The following FREM1 variants were observed in gnomAD, a reference collection of about 807,000 sequenced individuals.
The protein encoded by FREM1 is FRAS1 related extracellular matrix 1, also known as FRAS1-related extracellular matrix protein 1.
In FREM1, 220 loss-of-function variants were observed where a neutral mutation model predicts 210.1. That is an observed-to-expected ratio of 1.05 (90% CI 0.94 to 1.17). FREM1 has a LOEUF of 1.17. Ranked by LOEUF, FREM1 falls within the 50% of genes most tolerant of loss-of-function variation. FREM1 has a pLI of 0.00. For synonymous variants in FREM1, 1,189 were observed against 980.2 expected (o/e 1.21, Z -3.98); for missense variants, 3,454 against 2,675.5 (o/e 1.29, Z -6.42).
intron 36 of FREM1, among the ~76,000 whole-genome samples, chr9:14,738,580 C>T (rs1286968604): frequency 8.0e-6 from 1 of 125,264 alleles, no homozygotes; most frequent in Non-Finnish European, 1.7e-5. Context: ...TAGGGACCCA[C>T]TGAGCACTGC....
At chr9:14,883,871 G>A (rs945070433) in intron 1 of FREM1, among the ~76,000 whole-genome samples, 2 of 152,172 alleles carry the variant, frequency 1.3e-5, no homozygotes, top group Admixed American at 1.3e-4. Context: ...ATTATTGGGG[G>A]CAGCTAGAAG....
At chr9:14,758,123 A>C (rs1276585650) in intron 28 of FREM1, among the ~76,000 whole-genome samples, 1 of 152,054 alleles carries the variant, frequency 6.6e-6, no homozygotes. Context: ...TAAAAGCACC[A>C]CCTCTTTCCC....
intron 6 of FREM1, 150 bp from the exon 7 acceptor site, chr9:14,848,923 T>A (rs1371525411): frequency 1.3e-5 from 6 of 473,458 alleles, no homozygotes; most frequent in Non-Finnish European, 2.3e-5. Context: ...GACATCCTGA[T>A]TTGACTTTTT....
chr9:14,862,244 C>T (rs761791937), intron 3 of FREM1, among the ~76,000 whole-genome samples: 2 of 152,262 alleles, frequency 1.3e-5, no homozygotes, highest in South Asian at 2.1e-4. Flanking sequence ...TTATGCTCAA[C>T]GTACAGCCTG....
intron 1 of FREM1, among the ~76,000 whole-genome samples, chr9:14,896,699 T>C (rs967909497): frequency 2.0e-5 from 3 of 152,222 alleles, no homozygotes; most frequent in African/African-American, 7.2e-5. Context: ...TTAATAAACT[T>C]GCTTTGGCTT....
rs1842661888 is a variant in FREM1 at position 14,747,398 on chromosome 9, C to T, written c.5875G>A (p.Asp1959Asn). ...YHGIVSLKLE[D>N]DSFPTHKRKA... ...CTTTTGTGAGTTGGGAAACTGTCAT[C>T]CTCCAGTTTCAAGGAAACTATCCCA... The change falls in exon 33 of 37, where the codon GAT becomes AAT. Residue 1959 changes from aspartate to asparagine, a missense_variant. Asp to Asn is a conservative substitution (Grantham distance 23). Transcript: ENST00000380880. 4 of 1,613,518 alleles carry T rather than the reference C, an allele frequency of 2.5e-6. No homozygotes were observed. Among genetic ancestry groups the T allele is most frequent in the Non-Finnish European group, 3.4e-6 (4 of 1,179,656 alleles).
At chr9:14,902,674 G>A (rs953772925) in intron 1 of FREM1, among the ~76,000 whole-genome samples, 3 of 152,164 alleles carry the variant, frequency 2.0e-5, no homozygotes, top group Non-Finnish European at 4.4e-5. Context: ...ACGGACAAAT[G>A]AGAAAGACAA....
chr9:14,874,520 G>A (rs1833326863), intron 1 of FREM1, among the ~76,000 whole-genome samples: 1 of 149,820 alleles, frequency 6.7e-6, no homozygotes, highest in South Asian at 2.1e-4. Context: ...CATTTGCTTG[G>A]TAGATCTTCC....
At chr9:14,796,936 G>A (rs777128481) in intron 21 of FREM1, among the ~76,000 whole-genome samples, 5 of 152,230 alleles carry the variant, frequency 3.3e-5, no homozygotes, top group East Asian at 3.9e-4. Context: ...GAATAATATC[G>A]CTCAGAATTT....
intron 15 of FREM1, among the ~76,000 whole-genome samples, chr9:14,815,595 C>G (rs1008517176): frequency 1.3e-5 from 2 of 152,206 alleles, no homozygotes; most frequent in African/African-American, 4.8e-5. Context: ...CTTGGACTTG[C>G]ATGCCACTCA....
rs1206337856 is a variant in FREM1 at position 14,746,252 on chromosome 9, T to C, written c.6254+101A>G. ...ACAAAGCCAGGCAGATATTAGGCAC[T>C]CAATACTTGTTGAATGAATGAAGCA... On this transcript the variant is annotated intron_variant, in intron 35 of 36. Transcript: ENST00000380880. 4 of 842,062 alleles carry C rather than the reference T, an allele frequency of 4.8e-6. No homozygotes were observed. In the African/African-American group the frequency reaches 6.7e-5, roughly 14 times the overall value. 52.2% of individuals were successfully genotyped at this position (842,062 alleles called of 1,614,324 possible). A position where few individuals can be genotyped will look rare whatever the true frequency, so the allele number is the denominator to read the frequency against.
intron 3 of FREM1, among the ~76,000 whole-genome samples, chr9:14,860,816 C>CGT (rs1488331325): frequency 1.4e-5 from 1 of 72,182 alleles, no homozygotes; most frequent in South Asian, 3.6e-4. Flanking sequence ...TACATATATA[C>CGT]ACATATATAC....
At chr9:14,833,458 G>C (rs1365675753) in intron 10 of FREM1, among the ~76,000 whole-genome samples, 1 of 152,198 alleles carries the variant, frequency 6.6e-6, no homozygotes, top group Non-Finnish European at 1.5e-5. Context: ...AAATGGAGTT[G>C]TTTGGGTCGG....
At chr9:14,776,954 C>T (rs1435758183) in intron 24 of FREM1, among the ~76,000 whole-genome samples, 2 of 152,188 alleles carry the variant, frequency 1.3e-5, no homozygotes, top group Non-Finnish European at 2.9e-5. Context: ...GGATTATTTT[C>T]CTGCTTCAAA....
intron 6 of FREM1, among the ~76,000 whole-genome samples, chr9:14,850,814 G>C (rs1827580934): frequency 6.6e-6 from 1 of 152,212 alleles, no homozygotes; most frequent in African/African-American, 2.4e-5. Flanking sequence ...GGCTGTCGAA[G>C]GCTGCTGCAG....
intron 10 of FREM1, among the ~76,000 whole-genome samples, chr9:14,833,945 G>A (rs1022136556): frequency 6.6e-6 from 1 of 152,062 alleles, no homozygotes; most frequent in Non-Finnish European, 1.5e-5. Context: ...TGGGGCAGTT[G>A]GGGGGGATCC....
chr9:14,803,218 T>G (rs1221339641), intron 19 of FREM1, among the ~76,000 whole-genome samples: 1 of 110,024 alleles, frequency 9.1e-6, no homozygotes, highest in Non-Finnish European at 2.1e-5. Flanking sequence ...TCTTTCTCTT[T>G]TCTTTCTCTT....
intron 15 of FREM1, among the ~76,000 whole-genome samples, chr9:14,814,062 T>C (rs1819879275): frequency 6.6e-6 from 1 of 152,096 alleles, no homozygotes; most frequent in Non-Finnish European, 1.5e-5. Flanking sequence ...CTGCATCATC[T>C]CTCTCCCCAC....
intron 10 of FREM1, among the ~76,000 whole-genome samples, chr9:14,829,776 C>T (rs1823193615): frequency 6.6e-6 from 1 of 152,226 alleles, no homozygotes; most frequent in African/African-American, 2.4e-5. Flanking sequence ...CAGCTTCACT[C>T]ACTCAACTTG....
Sources: allele counts gnomAD v4.1 joint callset (sites outside exome capture counted in the v4.1 genomes callset), GRCh38; gene constraint gnomAD v4.1.1; transcripts MANE v1.5; gene names NCBI Gene and HGNC (gene_info 2026-07-23, HGNC 2026-07-21).